TRIOBP: variants seen among roughly 807,000 people sequenced by gnomAD.
The protein encoded by TRIOBP is TRIO and F-actin binding protein, also known as TRIO and F-actin-binding protein.
TRIOBP carries 169 observed loss-of-function variants against 238.8 expected under a neutral mutation model. The ratio of observed to expected loss-of-function variants is 0.71; its 90% CI spans 0.62 to 0.80. The LOEUF is 0.80. Among genes scored for constraint, TRIOBP ranks in the 30% least tolerant of loss-of-function variants. The pLI, the probability that TRIOBP is intolerant of heterozygous loss-of-function variation, is 0.00. For missense variants in TRIOBP, 2,838 were observed against 3,122.6 expected (o/e 0.91, Z 2.17); for synonymous variants, 1,150 against 1,274.4 (o/e 0.90, Z 2.08).
At chr22:37,709,156 A>G (rs2145817818) in intron 3 of TRIOBP, among the ~76,000 whole-genome samples, 1 of 152,272 alleles carries the variant, frequency 6.6e-6, no homozygotes, top group East Asian at 1.9e-4. Flanking sequence ...CACGGCAGAC[A>G]TCCCAACCCC....
chr22:37,756,800 A>G (rs1190385817), intron 15 of TRIOBP, among the ~76,000 whole-genome samples: 1 of 148,490 alleles, frequency 6.7e-6, no homozygotes, highest in Admixed American at 6.6e-5. Flanking sequence ...GACTGTGGAT[A>G]AAGAGAATTG....
intron 3 of TRIOBP, among the ~76,000 whole-genome samples, chr22:37,701,912 G>A (rs1286461781): frequency 1.3e-5 from 2 of 152,156 alleles, no homozygotes; most frequent in Non-Finnish European, 2.9e-5. Flanking sequence ...TGGATCACCC[G>A]AGGTCGGGAG....
chr22:37,753,207 A>G (rs1925713988), intron 12 of TRIOBP, among the ~76,000 whole-genome samples: 1 of 152,136 alleles, frequency 6.6e-6, no homozygotes, highest in South Asian at 2.1e-4. Context: ...ACAGCCATCC[A>G]CACAAGAGAG....
intron 3 of TRIOBP, among the ~76,000 whole-genome samples, chr22:37,706,548 T>C (rs1490791022): frequency 2.0e-5 from 3 of 152,066 alleles, no homozygotes; most frequent in African/African-American, 7.2e-5. Context: ...CACAGCACTT[T>C]AGGAGGCTGA....
chr22:37,710,333 C>T (rs9607491), intron 3 of TRIOBP, 94 bp from the exon 4 acceptor site: 16 of 1,568,952 alleles, frequency 1.0e-5, no homozygotes, highest in Non-Finnish European at 1.4e-5. Context: ...GAGGAGATGC[C>T]TGGAGACTCC....
At position 37,757,802 on chromosome 22, in the gene TRIOBP, C is replaced by G; in HGVS notation, c.5877C>G (p.Ala1959=). ...SPLTQASPQR[A]RTPARTPDRL... The stretch of plus-strand genomic sequence containing the variant: ...TGACCCAGGCTTCCCCGCAGCGGGC[C>G]CGCACCCCAGCCCGCACTCCTGACC... The change falls in exon 16 of 24, where the codon GCC becomes GCG. Residue 1959 remains alanine, a synonymous_variant. Transcript: ENST00000644935. 6.5e-7 allele frequency: 1 copy of G among 1,547,792 alleles called. No homozygotes were observed. Among genetic ancestry groups the G allele is most frequent in the African/African-American group, 1.4e-5 (1 of 73,144 alleles).
intron 13 of TRIOBP, 22 bp from the exon 14 acceptor site, chr22:37,755,079 A>AT: frequency 6.2e-7 from 1 of 1,611,994 alleles, no homozygotes; most frequent in South Asian, 1.1e-5. Context: ...CACACGGACC[A>AT]TAGTGGGCCC....
chr22:37,734,734 C>A lies in TRIOBP; in HGVS notation c.4398C>A (p.Ser1466Arg), dbSNP rs1191462166. The change falls in exon 9 of 24, where the codon AGC (serine) becomes AGA (arginine). Residue 1466 changes from serine to arginine, a missense_variant. Coordinates refer to ENST00000644935, the MANE Select transcript of TRIOBP (RefSeq NM_001039141.3). ...PGGWWGCGEP[S>R]LGAAKAPEGA... The stretch of plus-strand genomic sequence containing the variant: ...GCTGGTGGGGATGTGGAGAGCCCAG[C>A]CTGGGGGCAGCCAAAGCCCCGGAGG... 1.2e-6 allele frequency: 2 copies of A among 1,610,384 alleles called. No individual in the cohort carries two copies. The highest frequency in any genetic ancestry group is 1.7e-6 in the Non-Finnish European group (2 of 1,178,878).
chr22:37,698,196 TCTC>T (rs1922450699), intron 2 of TRIOBP, among the ~76,000 whole-genome samples: 1 of 61,662 alleles, frequency 1.6e-5, no homozygotes, highest in African/African-American at 6.9e-5. Flanking sequence ...CGAGATTCTG[TCTC>T]AAAAAAAAAA....
chr22:37,716,380 G>A (rs766912996), intron 6 of TRIOBP, among the ~76,000 whole-genome samples: 4 of 151,960 alleles, frequency 2.6e-5, no homozygotes, highest in South Asian at 2.1e-4. Flanking sequence ...CTAAATTGCC[G>A]GGATTACAGG....
chr22:37,730,104 T>A (rs946488541), intron 7 of TRIOBP, among the ~76,000 whole-genome samples: 7 of 152,198 alleles, frequency 4.6e-5, no homozygotes, highest in Non-Finnish European at 8.8e-5. Flanking sequence ...TAGCATCCTG[T>A]GGTCATTTGA....
chr22:37,700,438 C>T (rs1922586549), intron 2 of TRIOBP, among the ~76,000 whole-genome samples: 4 of 151,836 alleles, frequency 2.6e-5, no homozygotes, highest in Admixed American at 1.3e-4. Flanking sequence ...CCATCTTACC[C>T]AGCTGAAATC....
At chr22:37,754,468 C>A (rs1266087881) in intron 12 of TRIOBP, among the ~76,000 whole-genome samples, 1 of 150,490 alleles carries the variant, frequency 6.6e-6, no homozygotes, top group Non-Finnish European at 1.5e-5. Context: ...CTCACTCCTA[C>A]TCCAGGGCTC....
At chr22:37,772,885 T>TA in intron 23 of TRIOBP, 121 bp downstream of exon 23, 1 of 1,263,566 alleles carries the variant, frequency 7.9e-7, no homozygotes. Flanking sequence ...TCCCGTTCTG[T>TA]AAAAAGGACA....
Position 37,740,961 on chromosome 22 carries a change from C to T in TRIOBP, c.5251C>T (p.Arg1751Trp), listed in dbSNP as rs1261711831. 9.6e-6 allele frequency: 15 copies of T among 1,563,914 alleles called. No individual in the cohort carries two copies. Among genetic ancestry groups the T allele is most frequent in the African/African-American group, 6.8e-5 (5 of 74,056 alleles). ...CAAGGGCCGACTGGTGACCTCATGGCGGATGCCCGGGGACCGGCCCACGCT... is the reference window on the plus strand; with the variant it reads ...CAAGGGCCGACTGGTGACCTCATGGTGGATGCCCGGGGACCGGCCCACGCT... ...PLKGRLVTSW[R>W]MPGDRPTLFN... Residue 1751 changes from arginine to tryptophan, a missense_variant, in exon 11 of 24, where the codon CGG (arginine) becomes TGG (tryptophan). Transcript: ENST00000644935.
chr22:37,707,241 ACT>A (rs1178075348), intron 3 of TRIOBP, among the ~76,000 whole-genome samples: 10 of 151,764 alleles, frequency 6.6e-5, no homozygotes, highest in African/African-American at 2.4e-4. Context: ...TGGCCACCGC[ACT>A]CCAGCCTGGG....
Position 37,757,914 on chromosome 22 carries a change from A to G in TRIOBP, c.5989A>G (p.Thr1997Ala). The G allele has an allele frequency of 6.4e-7, 1 of 1,553,632 alleles. No homozygotes were observed. The highest frequency in any genetic ancestry group is 1.2e-5 in the South Asian group (1 of 84,432). Residue 1997 changes from threonine (T) to alanine (A), a missense_variant, in exon 16 of 24, where the codon ACC becomes GCC. This residue lies in a region of TRIOBP where 2,096 missense variants were observed against 2,137.4 expected (regional missense o/e 0.98). Coordinates refer to ENST00000644935, the MANE Select transcript of TRIOBP (RefSeq NM_001039141.3). ...RKWFEATDSR[T>A]PEVPAGEGPR... is the part of the protein sequence containing the mutation. ...GTGGTTTGAGGCCACAGACAGCAGG[A>G]CCCCAGAGGTGCCTGCTGGTGAGGG... is the stretch of plus-strand genomic sequence containing the variant.
Position 37,701,409 on chromosome 22 carries a change from C to T in TRIOBP, c.44C>T (p.Ala15Val). ...GATGCCCTGTGTGAACACTTTGAGG[C>T]CAACATACTTACCCAGAACCGCTGT... ...PGDALCEHFE[A>V]NILTQNRCQN... The change falls in exon 3 of 24, where the codon GCC (alanine) becomes GTC (valine). Residue 15 changes from alanine (A) to valine (V), a missense_variant. This residue lies in a region of TRIOBP where 535 missense variants were observed against 537.3 expected (regional missense o/e 1.00). Coordinates refer to ENST00000644935, the MANE Select transcript of TRIOBP (RefSeq NM_001039141.3). 1 of 1,613,866 alleles carries T rather than the reference C, an allele frequency of 6.2e-7. No homozygotes were observed. Among genetic ancestry groups the T allele is most frequent in the Non-Finnish European group, 8.5e-7 (1 of 1,179,946 alleles).
intron 12 of TRIOBP, 97 bp downstream of exon 12, chr22:37,751,925 GAACCC>G: frequency 4.9e-6 from 2 of 407,130 alleles, no homozygotes; most frequent in Non-Finnish European, 9.8e-6. Context: ...GCTGGTGTGA[GAACCC>G]TGGGGGTGGG....
Sources: allele counts gnomAD v4.1 joint callset (sites outside exome capture counted in the v4.1 genomes callset), GRCh38; gene constraint gnomAD v4.1.1; regional missense constraint gnomAD v4.1.1; transcripts MANE v1.5; gene names NCBI Gene and HGNC (gene_info 2026-07-23, HGNC 2026-07-21).